SLC13A3: variants seen among roughly 807,000 people sequenced by gnomAD.
SLC13A3 encodes the protein solute carrier family 13 member 3, also known as Na(+)/dicarboxylate cotransporter 3.
In SLC13A3, 40 loss-of-function variants were observed where a neutral mutation model predicts 59.0. The ratio of observed to expected loss-of-function variants is 0.68; its 90% CI spans 0.53 to 0.88. The LOEUF (loss-of-function observed/expected upper bound fraction) is 0.88. Ranked by LOEUF, SLC13A3 falls within the 40% of genes least tolerant of loss-of-function variation. The pLI is 0.00. For synonymous variants in SLC13A3, 317 were observed against 330.3 expected, an observed-to-expected ratio of 0.96 and a Z score of 0.44; for missense variants, 699 against 783.2, an observed-to-expected ratio of 0.89 and a Z score of 1.28.
chr20:46,648,028 C>T (rs1052429218), intron 1 of SLC13A3, among the ~76,000 whole-genome samples: 2 of 152,120 alleles, frequency 1.3e-5, no homozygotes, highest in African/African-American at 2.4e-5. Flanking sequence ...TTGGAGTGGA[C>T]GCTGAGGACG....
intron 6 of SLC13A3, among the ~76,000 whole-genome samples, chr20:46,589,755 T>C (rs903045490): frequency 1.3e-5 from 2 of 152,240 alleles, no homozygotes; most frequent in East Asian, 1.9e-4. Context: ...GGGGAAGGAA[T>C]AGCCTTTCAA....
intron 1 of SLC13A3, among the ~76,000 whole-genome samples, chr20:46,675,547 C>CT (rs927949030): frequency 1.3e-4 from 19 of 148,702 alleles, no homozygotes; most frequent in African/African-American, 3.7e-4. Context: ...TGCCCGGCCC[C>CT]TTTTTTTTTC....
At chr20:46,630,374 C>T (rs1047197781) in intron 1 of SLC13A3, among the ~76,000 whole-genome samples, 4 of 152,190 alleles carry the variant, frequency 2.6e-5, no homozygotes, top group African/African-American at 9.7e-5. Context: ...AGGAACTCTC[C>T]CTTCTCTGAC....
chr20:46,650,496 G>T (rs2062942038), intron 1 of SLC13A3, among the ~76,000 whole-genome samples: 1 of 152,156 alleles, frequency 6.6e-6, no homozygotes, highest in Non-Finnish European at 1.5e-5. Flanking sequence ...ATCACGTAAG[G>T]ACCTGGTGCA....
chr20:46,650,342 T>C (rs1157552172), intron 1 of SLC13A3, among the ~76,000 whole-genome samples: 3 of 152,192 alleles, frequency 2.0e-5, no homozygotes, highest in Admixed American at 2.0e-4. Flanking sequence ...CAAGTCACTT[T>C]CTCTCCCCGA....
chr20:46,620,040 A>G (rs1318775643), intron 1 of SLC13A3, among the ~76,000 whole-genome samples: 2 of 152,178 alleles, frequency 1.3e-5, no homozygotes, highest in African/African-American at 2.4e-5. Flanking sequence ...CCTCCTAACA[A>G]TAAATAATAC....
chr20:46,601,595 G>A (rs2062380795), intron 3 of SLC13A3, among the ~76,000 whole-genome samples: 5 of 152,182 alleles, frequency 3.3e-5, no homozygotes, highest in Admixed American at 6.5e-5. Flanking sequence ...AGTAATATAC[G>A]CAGTATGTCA....
rs1600506081 is a variant in SLC13A3, at chr20:46,575,693, G to C, written c.1220-8C>G. On this transcript the variant is annotated splice_polypyrimidine_tract_variant and splice_region_variant and intron_variant, in intron 9 of 12. Transcript: ENST00000279027. ...CTGTCTCTGTGTTGGGAGCTGGGCA[G>C]AGAGAGGGATTCAGCACACACTCAG... 6.4e-7 allele frequency: 1 copy of C among 1,557,372 alleles called. No homozygotes were observed. The highest frequency in any genetic ancestry group is 8.7e-7 in the Non-Finnish European group (1 of 1,143,282).
rs2061949413 is a variant in SLC13A3, at chr20:46,563,447, G to A, written c.1599C>T (p.Ala533=). The A allele has an allele frequency of 6.2e-7, 1 of 1,614,150 alleles. No individual in the cohort carries two copies. Among genetic ancestry groups the A allele is most frequent in the Non-Finnish European group, 8.5e-7 (1 of 1,180,030 alleles). ...LPVSTPPNSI[A]FASGHLLVKD... Reference sequence around the variant, plus strand: ...TGACCAGCAAGTGTCCAGAGGCGAAGGCGATGGAGTTGGGGGGCGTTGAGA... The same window carrying A: ...TGACCAGCAAGTGTCCAGAGGCGAAAGCGATGGAGTTGGGGGGCGTTGAGA... The change falls in exon 12 of 13, where the codon GCC becomes GCT. Residue 533 remains alanine, a synonymous_variant. Coordinates refer to ENST00000279027, the MANE Select transcript of SLC13A3 (RefSeq NM_022829.6).
chr20:46,626,119 CTCTG>C (rs1235821885), intron 1 of SLC13A3, among the ~76,000 whole-genome samples: 3 of 150,242 alleles, frequency 2.0e-5, no homozygotes, highest in South Asian at 2.1e-4. Flanking sequence ...CTCTCTCTCT[CTCTG>C]TCTCTCTCTC....
rs528936368 is a variant in SLC13A3 at position 46,651,125 on chromosome 20, C to G, written c.111+186G>C. On this transcript the variant is annotated intron_variant, in intron 1 of 12. Transcript: ENST00000279027. ...GTGGGACTCAAGCTCTAAGGAGCAG[C>G]TGGGAAGAGGGAAGAGGCGTTAGGA... Among the ~76,000 whole-genome samples, 5 of 152,108 alleles carry G rather than the reference C, an allele frequency of 3.3e-5. 1 individual carries two copies. The highest frequency in any genetic ancestry group is 7.4e-5 in the Non-Finnish European group (5 of 68,014).
chr20:46,670,663 C>A (rs2063085820), upstream of SLC13A3, among the ~76,000 whole-genome samples: 1 of 152,184 alleles, frequency 6.6e-6, no homozygotes, highest in African/African-American at 2.4e-5. Context: ...TCAGCCCCAG[C>A]AGAGCTCCCA....
intron 1 of SLC13A3, among the ~76,000 whole-genome samples, chr20:46,616,829 G>A (rs934446552): frequency 6.6e-6 from 1 of 152,180 alleles, no homozygotes; most frequent in Non-Finnish European, 1.5e-5. Context: ...GCCTTCTTAG[G>A]CTGGGAACCT....
chr20:46,583,319 G>T, intron 9 of SLC13A3: 3 of 976,188 alleles, frequency 3.1e-6, no homozygotes, highest in Non-Finnish European at 2.6e-6. Flanking sequence ...TGAAAACTGT[G>T]CTTAGCTCAC....
At chr20:46,651,255 G>T in intron 1 of SLC13A3, 56 bp downstream of exon 1, 1 of 1,432,818 alleles carries the variant, frequency 7.0e-7, no homozygotes, top group South Asian at 1.5e-5. Context: ...GGAGGCTTGG[G>T]AGAAGAGGAT....
intron 3 of SLC13A3, among the ~76,000 whole-genome samples, chr20:46,605,633 A>G (rs975033331): frequency 6.6e-6 from 1 of 152,150 alleles, no homozygotes; most frequent in African/African-American, 2.4e-5. Context: ...GGTGGGCTAA[A>G]TTGGGATCAA....
At chr20:46,624,092 G>T (rs6094400) in intron 1 of SLC13A3, among the ~76,000 whole-genome samples, 3,287 of 152,142 alleles carry the variant, frequency 0.022, 103 homozygotes, top group African/African-American at 0.074. Flanking sequence ...GCCCCTCCAT[G>T]ACTCCCCATC....
At chr20:46,563,288 T>G (rs1282781806) in intron 12 of SLC13A3, 126 bp downstream of exon 12, 1 of 1,122,700 alleles carries the variant, frequency 8.9e-7, no homozygotes, top group African/African-American at 1.6e-5. Flanking sequence ...CTGGTCCCAC[T>G]CAGAAAGATC....
intron 1 of SLC13A3, among the ~76,000 whole-genome samples, chr20:46,615,526 G>A (rs941369483): frequency 5.3e-5 from 8 of 152,290 alleles, no homozygotes; most frequent in African/African-American, 1.9e-4. Flanking sequence ...GTTGTAGGTA[G>A]TGAGAAGTAG....
Sources: allele counts gnomAD v4.1 joint callset (sites outside exome capture counted in the v4.1 genomes callset), GRCh38; gene constraint gnomAD v4.1.1; transcripts MANE v1.5; gene names NCBI Gene and HGNC (gene_info 2026-07-23, HGNC 2026-07-21).